The following DGCR8 variants were observed in gnomAD, a reference collection of about 807,000 sequenced individuals.
The protein encoded by DGCR8 is microprocessor complex subunit DGCR8.
In DGCR8, 14 loss-of-function variants were observed where a neutral mutation model predicts 78.5. That is an observed-to-expected ratio of 0.18 (90% CI 0.12 to 0.28). The LOEUF (loss-of-function observed/expected upper bound fraction) is 0.28, where lower values mean the gene tolerates loss of function less well. Ranked by LOEUF, DGCR8 falls within the 10% of genes least tolerant of loss-of-function variation. The probability of loss-of-function intolerance (pLI) is 1.00; values close to 1 mark genes in which losing one functional copy is unlikely to be tolerated. For missense variants in DGCR8, 702 were observed against 1,022.5 expected, an observed-to-expected ratio of 0.69 and a Z score of 4.28; for synonymous variants, 399 against 402.4, an observed-to-expected ratio of 0.99 and a Z score of 0.10.
At position 20,089,905 on chromosome 22, in the gene DGCR8, G is replaced by A. The variant is rs1480825625; in HGVS notation, c.1024-71G>A. 6.3e-6 allele frequency: 10 copies of A among 1,586,294 alleles called. No homozygotes were observed. The highest frequency in any genetic ancestry group is 5.4e-5 in the African/African-American group (4 of 74,022). Reference sequence around the variant, plus strand: ...ATGGCACCGCAGCCAAGCAGAGGCCGGTGAAAGGCATCAGAGTTTCAGACT... The same window carrying A: ...ATGGCACCGCAGCCAAGCAGAGGCCAGTGAAAGGCATCAGAGTTTCAGACT... On this transcript the variant is annotated intron_variant, in intron 4 of 13. Transcript: ENST00000351989. The surrounding 1 kb of genome is among the most constrained non-coding windows in gnomAD (Gnocchi z 4.9).
chr22:20,095,398 G>A (rs1243903804), intron 9 of DGCR8, among the ~76,000 whole-genome samples: 5 of 152,082 alleles, frequency 3.3e-5, no homozygotes, highest in South Asian at 2.1e-4. Context: ...TAGCCACTGC[G>A]CCCGGCCCTA....
At chr22:20,098,158 T>A (rs112893374) in intron 9 of DGCR8, among the ~76,000 whole-genome samples, 73 of 148,970 alleles carry the variant, frequency 4.9e-4, no homozygotes, top group Middle Eastern at 3.6e-3. Context: ...AAAAAAAATA[T>A]ATATATATAT....
intron 9 of DGCR8, chr22:20,102,216 A>C: frequency 2.7e-6 from 1 of 366,550 alleles, no homozygotes; most frequent in Non-Finnish European, 3.8e-6. Flanking sequence ...TGTACATTCC[A>C]ACATTCTTCT....
In DGCR8 at chr22:20,086,229, C is replaced by T. The variant is rs1335908257; in HGVS notation, c.266C>T (p.Pro89Leu). The change falls in exon 2 of 14, where the codon CCG (proline) becomes CTG (leucine). Residue 89 changes from proline to leucine, a missense_variant. Physicochemically the swap from Pro to Leu is moderately conservative, Grantham distance 98. Around this residue, in one of 4 missense-constraint regions of DGCR8, gnomAD observed 356 missense variants for 448.9 expected, o/e 0.79. Transcript: ENST00000351989. The surrounding 1 kb of genome is among the most constrained non-coding windows in gnomAD (Gnocchi z 6.4). ...SFSKGRLLID[P>L]NCSGHSPRTA... is the part of the protein sequence containing the mutation. ...TCTAAGGGCCGCCTCCTCATAGACC[C>T]GAACTGTAGTGGCCACAGCCCGCGC... 3.7e-6 allele frequency: 6 copies of T among 1,614,014 alleles called. No individual in the cohort carries two copies. The highest frequency in any genetic ancestry group is 1.1e-5 in the South Asian group (1 of 91,080).
intron 9 of DGCR8, among the ~76,000 whole-genome samples, chr22:20,103,897 T>C (rs1300274464): frequency 6.6e-6 from 1 of 152,244 alleles, no homozygotes; most frequent in African/African-American, 2.4e-5. Context: ...TGCCAGGCAT[T>C]GGTCCATCTC....
chr22:20,096,557 T>C, intron 9 of DGCR8: 1 of 843,836 alleles, frequency 1.2e-6, no homozygotes, highest in Non-Finnish European at 1.4e-6. Flanking sequence ...AAATTTGGCC[T>C]TTTAAACTAT....
chr22:20,098,671 G>A (rs896163803), intron 9 of DGCR8, among the ~76,000 whole-genome samples: 6 of 152,178 alleles, frequency 3.9e-5, no homozygotes, highest in African/African-American at 9.7e-5. Flanking sequence ...GAAGCCAGAA[G>A]TCCAAAATGA....
rs1017473648 is a variant in DGCR8 at position 20,085,138 on chromosome 22, T to C, written c.-277-549T>C. The stretch of plus-strand genomic sequence containing the variant: ...CGCTGCATCACTGTCCCCGTCCACG[T>C]GCTACCCTGTGGGCCCAGGAGAGCC... On this transcript the variant is annotated intron_variant, in intron 1 of 13. Transcript: ENST00000351989. The surrounding 1 kb of genome is among the most constrained non-coding windows in gnomAD (Gnocchi z 6.2). The C allele has an allele frequency of 2.7e-6, 2 of 741,066 alleles. No homozygotes were observed. The highest frequency in any genetic ancestry group is 3.3e-6 in the Non-Finnish European group (2 of 606,460). The allele number at this position is 741,066 out of a possible 1,614,324, so 45.9% of individuals were successfully genotyped here.
intron 9 of DGCR8, among the ~76,000 whole-genome samples, chr22:20,104,803 C>A (rs965935512): frequency 6.6e-6 from 1 of 152,236 alleles, no homozygotes; most frequent in Non-Finnish European, 1.5e-5. Flanking sequence ...CCTTCCTCTT[C>A]TATGCAGTTG....
chr22:20,109,396 AG>A (rs2147944259), intron 13 of DGCR8, among the ~76,000 whole-genome samples: 1 of 152,188 alleles, frequency 6.6e-6, no homozygotes, highest in South Asian at 2.1e-4. Context: ...GGGGCCTGTC[AG>A]GCTGGCAGTG....
chr22:20,103,394 T>C (rs1027836716), intron 9 of DGCR8, among the ~76,000 whole-genome samples: 1 of 152,224 alleles, frequency 6.6e-6, no homozygotes, highest in Non-Finnish European at 1.5e-5. Flanking sequence ...TTAGTTCCAA[T>C]TGATTGTTTA....
rs776787799 is a variant in DGCR8 at position 20,085,728 on chromosome 22, G to T, written c.-236G>T. On this transcript the variant is annotated 5_prime_UTR_variant, in exon 2 of 14. Coordinates refer to ENST00000351989, the MANE Select transcript of DGCR8 (RefSeq NM_022720.7). The surrounding 1 kb of genome is among the most constrained non-coding windows in gnomAD (Gnocchi z 6.2). The stretch of plus-strand genomic sequence containing the variant: ...GCCACTCCGGCATGAAGACAGACTC[G>T]CTTAGTCGCCAGTCACTTAAGCTGA... 2 of 1,350,642 alleles carry T rather than the reference G, an allele frequency of 1.5e-6. No individual in the cohort carries two copies. Among genetic ancestry groups the T allele is most frequent in the Non-Finnish European group, 1.9e-6 (2 of 1,056,626 alleles). The allele number at this position is 1,350,642 out of a possible 1,614,324, so 83.7% of individuals were successfully genotyped here. A position where few individuals can be genotyped will look rare whatever the true frequency, so the allele number is the denominator to read the frequency against.
chr22:20,089,524 G>T lies in DGCR8; in HGVS notation c.881-145G>T. ...CCTAGGCCTGGAGGCATAGCAGTGAGCAAGGCAGAGAGGAATTTCGATTAT... is the reference window on the plus strand; with the variant it reads ...CCTAGGCCTGGAGGCATAGCAGTGATCAAGGCAGAGAGGAATTTCGATTAT... On this transcript the variant is annotated intron_variant, in intron 3 of 13. Transcript: ENST00000351989. The surrounding 1 kb of genome is among the most constrained non-coding windows in gnomAD (Gnocchi z 4.9). 1 of 895,192 alleles carries T rather than the reference G, an allele frequency of 1.1e-6. No homozygotes were observed. Among genetic ancestry groups the T allele is most frequent in the South Asian group, 1.6e-5 (1 of 62,932 alleles). 55.5% of individuals were successfully genotyped at this position (895,192 alleles called of 1,614,324 possible).
Position 20,094,784 on chromosome 22 carries a change from G to A in DGCR8, c.1777G>A (p.Glu593Lys), listed in dbSNP as rs1568956823. The A allele has an allele frequency of 6.2e-7, 1 of 1,614,086 alleles. No homozygotes were observed. Among genetic ancestry groups the A allele is most frequent in the Admixed American group, 1.7e-5 (1 of 60,028 alleles). ...QTSEEKPKDS[E>K]ELEYFNHISI... ...CTCTGAAGAGAAGCCCAAAGACAGT[G>A]AAGAACTCGAGGTGAGTGTTGTGGT... The change falls in exon 9 of 14, where the codon GAA becomes AAA. Residue 593 changes from glutamate to lysine, a missense_variant. Physicochemically the swap from Glu to Lys is moderately conservative, Grantham distance 56. Around this residue, in one of 4 missense-constraint regions of DGCR8, gnomAD observed 225 missense variants for 427.7 expected, o/e 0.53. Coordinates refer to ENST00000351989, the MANE Select transcript of DGCR8 (RefSeq NM_022720.7).
chr22:20,092,533 C>A (rs540583541), intron 7 of DGCR8, among the ~76,000 whole-genome samples: 2 of 152,202 alleles, frequency 1.3e-5, no homozygotes, highest in African/African-American at 4.8e-5. Context: ...TGGTCCCTGT[C>A]GTAGGAGGCT....
chr22:20,108,779 C>T, intron 12 of DGCR8, 111 bp from the exon 13 acceptor site: 1 of 755,724 alleles, frequency 1.3e-6, no homozygotes, highest in Non-Finnish European at 2.4e-6. Flanking sequence ...TCGTGTCTGC[C>T]AGACCCTGGG....
At chr22:20,100,655 G>C in intron 9 of DGCR8, 1 of 985,408 alleles carries the variant, frequency 1.0e-6, no homozygotes. Context: ...TCCACTCTGG[G>C]GTTCTTCTGT....
rs943296067 is a variant in DGCR8 at position 20,086,171 on chromosome 22, T to C, written c.208T>C (p.Tyr70His). The C allele has an allele frequency of 1.2e-6, 2 of 1,614,066 alleles. No homozygotes were observed. Among genetic ancestry groups the C allele is most frequent in the African/African-American group, 2.7e-5 (2 of 74,940 alleles). ...CCCTGCTGAGGACCCCTTCAACTTC[T>C]ACGGAGCTTCTCTTCTCTCCAAAGG... ...ELPAEDPFNF[Y>H]GASLLSKGSF... Residue 70 changes from tyrosine to histidine, a missense_variant, in exon 2 of 14, where the codon TAC (tyrosine) becomes CAC (histidine). Tyr to His is a moderately conservative substitution (Grantham distance 83). Around this residue, in one of 4 missense-constraint regions of DGCR8, gnomAD observed 356 missense variants for 448.9 expected, o/e 0.79. Transcript: ENST00000351989. The surrounding 1 kb of genome is among the most constrained non-coding windows in gnomAD (Gnocchi z 6.4).
rs558811439 is a variant in DGCR8, at chr22:20,111,436, C to G, written c.*1328C>G. 3.8e-4 allele frequency: 152 copies of G among 397,922 alleles called. No homozygotes were observed. The East Asian group carries it at 5.4e-3, about 14-fold the overall frequency. 24.6% of individuals were successfully genotyped at this position (397,922 alleles called of 1,614,324 possible). On this transcript the variant is annotated 3_prime_UTR_variant, in exon 14 of 14. Coordinates refer to ENST00000351989, the MANE Select transcript of DGCR8 (RefSeq NM_022720.7). ...CCCACAACATATCCTTCCCTCACTA[C>G]CTGTGTGACCAAGGTTGGCTTCTGT...
Sources: allele counts gnomAD v4.1 joint callset (sites outside exome capture counted in the v4.1 genomes callset), GRCh38; gene constraint gnomAD v4.1.1; regional missense constraint gnomAD v4.1.1; non-coding constraint Gnocchi (gnomAD v3.1); transcripts MANE v1.5; gene names NCBI Gene and HGNC (gene_info 2026-07-23, HGNC 2026-07-21).